WDFY3: variants seen among roughly 807,000 people sequenced by gnomAD.
WDFY3 encodes the protein WD repeat and FYVE domain containing 3, also known as WD repeat and FYVE domain-containing protein 3.
In WDFY3, 66 loss-of-function variants were observed where a neutral mutation model predicts 409.6. That is an observed-to-expected ratio of 0.16 (90% CI 0.13 to 0.20). The LOEUF (loss-of-function observed/expected upper bound fraction) is 0.20. Among genes scored for constraint, WDFY3 ranks in the 10% least tolerant of loss-of-function variants. The pLI, the probability that WDFY3 is intolerant of heterozygous loss-of-function variation, is 1.00. For synonymous variants in WDFY3, 1,521 were observed against 1,537.1 expected (o/e 0.99, Z 0.25); for missense variants, 3,031 against 4,298.1 (o/e 0.71, Z 8.24).
Position 84,698,488 on chromosome 4 carries a change from A to G in WDFY3, c.8597-1665T>C, listed in dbSNP as rs142907020. ...AGGTTTTGCTCTGTTGCTCAGGCTA[A>G]TCTTGAACTCCTGGCCTCAAGTGAT... On this transcript the variant is annotated intron_variant, in intron 56 of 67. Coordinates refer to ENST00000295888, the MANE Select transcript of WDFY3 (RefSeq NM_014991.6). 6.3e-4 allele frequency among the ~76,000 whole-genome samples: 95 copies of G among 151,750 alleles called. 1 individual carries two copies. In the East Asian group the frequency reaches 0.018, roughly 28 times the overall value.
Position 84,880,766 on chromosome 4 carries a change from G to A in WDFY3, c.-32+16145C>T, listed in dbSNP as rs551741968. On this transcript the variant is annotated intron_variant, in intron 3 of 67. Coordinates refer to ENST00000295888, the MANE Select transcript of WDFY3 (RefSeq NM_014991.6). ...AGAGTCTTGCTCTGTTACCCAGGCTGGAGTGCAGTGATAGGATCTCGGCTC... is the reference window on the plus strand; with the variant it reads ...AGAGTCTTGCTCTGTTACCCAGGCTAGAGTGCAGTGATAGGATCTCGGCTC... Among the ~76,000 whole-genome samples, 16 of 134,940 alleles carry A rather than the reference G, an allele frequency of 1.2e-4. No individual in the cohort carries two copies. In the South Asian group the frequency reaches 3.6e-3, roughly 30 times the overall value. 88.5% of individuals were successfully genotyped at this position (134,940 alleles called of 152,430 possible).
intron 18 of WDFY3, 49 bp downstream of exon 18, chr4:84,797,947 A>G: frequency 6.8e-7 from 1 of 1,465,380 alleles, no homozygotes. Context: ...CATCCCCTAC[A>G]TGATTTTCAT....
At chr4:84,771,516 TAGTC>T (rs1381925862) in intron 30 of WDFY3, among the ~76,000 whole-genome samples, 21 of 152,328 alleles carry the variant, frequency 1.4e-4, no homozygotes, top group Middle Eastern at 3.4e-3. Flanking sequence ...TAATTATAAT[TAGTC>T]AGCCTATATT....
chr4:84,930,854 A>T (rs372103060), intron 2 of WDFY3, among the ~76,000 whole-genome samples: 1 of 152,234 alleles, frequency 6.6e-6, no homozygotes, highest in African/African-American at 2.4e-5. Context: ...ATATAACTTT[A>T]AAGTATTACA....
chr4:84,748,935 G>T (rs1428957624), intron 36 of WDFY3, among the ~76,000 whole-genome samples: 1 of 150,982 alleles, frequency 6.6e-6, no homozygotes, highest in African/African-American at 2.4e-5. Context: ...AGGCTGGAAT[G>T]CATTGGAATG....
chr4:84,936,622 G>C (rs1215292768), intron 1 of WDFY3, among the ~76,000 whole-genome samples: 3 of 151,944 alleles, frequency 2.0e-5, no homozygotes, highest in South Asian at 4.1e-4. Context: ...ATACAAAGTA[G>C]CCAGTTAAAC....
At chr4:84,688,381 T>A in intron 61 of WDFY3, 116 bp from the exon 62 acceptor site, 1 of 1,038,518 alleles carries the variant, frequency 9.6e-7, no homozygotes, top group Non-Finnish European at 1.4e-6. Context: ...AGGTAGTAGG[T>A]GACTTGAGCA....
At position 84,779,381 on chromosome 4, in the gene WDFY3, T is replaced by A. The variant is rs1215053495; in HGVS notation, c.4366-726A>T. Reference sequence around the variant, plus strand: ...AAGTATTTGTTCCTCTTCTTACAAGTGATTTTTTATCTAATTCTGACTGTG... The same window carrying A: ...AAGTATTTGTTCCTCTTCTTACAAGAGATTTTTTATCTAATTCTGACTGTG... On this transcript the variant is annotated intron_variant, in intron 26 of 67. Transcript: ENST00000295888. Among the ~76,000 whole-genome samples the A allele has an allele frequency of 2.0e-5, 3 of 152,134 alleles. 1 individual carries two copies. In the South Asian group the frequency reaches 6.2e-4, roughly 31 times the overall value.
At chr4:84,948,066 G>A (rs1773125476) in intron 1 of WDFY3, among the ~76,000 whole-genome samples, 1 of 152,062 alleles carries the variant, frequency 6.6e-6, no homozygotes, top group South Asian at 2.1e-4. Flanking sequence ...CCAAAAAAAT[G>A]CTACTATAAC....
At chr4:84,767,255 G>A (rs182763542) in intron 30 of WDFY3, among the ~76,000 whole-genome samples, 1 of 115,308 alleles carries the variant, frequency 8.7e-6, no homozygotes, top group Non-Finnish European at 1.8e-5. Context: ...TTGTTTACAA[G>A]TGCCACTGTC....
At chr4:84,937,401 G>A (rs1404098359) in intron 1 of WDFY3, among the ~76,000 whole-genome samples, 1 of 151,992 alleles carries the variant, frequency 6.6e-6, no homozygotes. Context: ...AGTTTAGGTT[G>A]TTAGCCTTCT....
chr4:84,783,786 A>G (rs1314049111), intron 24 of WDFY3, among the ~76,000 whole-genome samples: 1 of 152,142 alleles, frequency 6.6e-6, no homozygotes, highest in Non-Finnish European at 1.5e-5. Flanking sequence ...TTCAAGGCAA[A>G]TATAACTTTA....
At chr4:84,785,832 T>G in intron 24 of WDFY3, 147 bp downstream of exon 24, 5 of 983,686 alleles carry the variant, frequency 5.1e-6, no homozygotes, top group Non-Finnish European at 7.2e-6. Flanking sequence ...TTGGCCTACA[T>G]TTGAAGTCAA....
Position 84,868,834 on chromosome 4 carries a change from G to C in WDFY3, c.-31-8212C>G, listed in dbSNP as rs183847098. ...ATCTTAATAGTTAAAAGGCAGTTAG[G>C]TTACTTGGTATGATTAATACAGTAT... On this transcript the variant is annotated intron_variant, in intron 3 of 67. Coordinates refer to ENST00000295888, the MANE Select transcript of WDFY3 (RefSeq NM_014991.6). Among the ~76,000 whole-genome samples the C allele has an allele frequency of 1.6e-4, 24 of 152,230 alleles. No homozygotes were observed. The East Asian group carries it at 3.9e-3, about 24-fold the overall frequency.
chr4:84,691,558 C>T, intron 60 of WDFY3, 73 bp downstream of exon 60: 2 of 1,500,918 alleles, frequency 1.3e-6, no homozygotes, highest in Non-Finnish European at 1.8e-6. Flanking sequence ...TTCTCCCCAA[C>T]CCTATTAGTC....
Position 84,702,515 on chromosome 4 carries a change from A to G in WDFY3, c.8443-9T>C, listed in dbSNP as rs760046012. The stretch of plus-strand genomic sequence containing the variant: ...AGGTCAAAGTGGCCACCCTGTGGGC[A>G]GAATAAGACACCTCTCTATTAGAGA... On this transcript the variant is annotated splice_polypyrimidine_tract_variant and intron_variant, in intron 55 of 67. Transcript: ENST00000295888. 1.3e-6 allele frequency: 2 copies of G among 1,587,296 alleles called. No individual in the cohort carries two copies. Among genetic ancestry groups the G allele is most frequent in the Admixed American group, 3.8e-5 (2 of 53,118 alleles).
At chr4:84,734,978 C>A (rs1737195776) in intron 43 of WDFY3, 65 bp downstream of exon 43, 1 of 1,363,430 alleles carries the variant, frequency 7.3e-7, no homozygotes, top group African/African-American at 1.4e-5. Flanking sequence ...GATACCAGGA[C>A]AAACAGAGAC....
At chr4:84,745,379 T>G (rs1451026608) in intron 36 of WDFY3, among the ~76,000 whole-genome samples, 1 of 152,210 alleles carries the variant, frequency 6.6e-6, no homozygotes, top group East Asian at 1.9e-4. Flanking sequence ...TACTTATTCT[T>G]GAATAGAGAG....
intron 66 of WDFY3, among the ~76,000 whole-genome samples, chr4:84,677,734 G>A (rs1418605078): frequency 1.3e-5 from 2 of 152,012 alleles, no homozygotes; most frequent in African/African-American, 4.8e-5. Flanking sequence ...AGGCCGAGGT[G>A]GGCGGATCAC....
Sources: allele counts gnomAD v4.1 joint callset (sites outside exome capture counted in the v4.1 genomes callset), GRCh38; gene constraint gnomAD v4.1.1; transcripts MANE v1.5; gene names NCBI Gene and HGNC (gene_info 2026-07-23, HGNC 2026-07-21).